The following IMMP2L variants were observed in gnomAD, a reference collection of about 807,000 sequenced individuals.
IMMP2L encodes mitochondrial inner membrane protease subunit 2.
Under a neutral mutation model 19.3 loss-of-function variants are expected in IMMP2L, and 18 were observed. That is an observed-to-expected ratio of 0.93 (90% CI 0.64 to 1.38). IMMP2L has a LOEUF of 1.38. Among genes scored for constraint, IMMP2L ranks in the 40% most tolerant of loss-of-function variants. IMMP2L has a pLI of 0.00. For synonymous variants in IMMP2L, 76 were observed against 73.0 expected, an observed-to-expected ratio of 1.04 and a Z score of -0.21; for missense variants, 233 against 218.2, an observed-to-expected ratio of 1.07 and a Z score of -0.43.
intron 5 of IMMP2L, among the ~76,000 whole-genome samples, chr7:110,806,352 C>A (rs996220601): frequency 7.9e-5 from 12 of 151,830 alleles, no homozygotes; most frequent in Non-Finnish European, 1.8e-4. Context: ...CCATTTAACT[C>A]ATGGAAACAT....
intron 5 of IMMP2L, among the ~76,000 whole-genome samples, chr7:110,810,262 T>C (rs1562990319): frequency 6.6e-6 from 1 of 152,104 alleles, no homozygotes; most frequent in Non-Finnish European, 1.5e-5. Context: ...AGAATTCACA[T>C]ATGGCTGCTG....
chr7:111,215,864 A>C (rs1811872161), intron 3 of IMMP2L, among the ~76,000 whole-genome samples: 1 of 152,152 alleles, frequency 6.6e-6, no homozygotes, highest in South Asian at 2.1e-4. Context: ...TCAACTTGTC[A>C]ACCAGGCTGT....
intron 5 of IMMP2L, among the ~76,000 whole-genome samples, chr7:110,766,439 T>C (rs1035671603): frequency 2.6e-5 from 4 of 151,808 alleles, no homozygotes; most frequent in Non-Finnish European, 5.9e-5. Context: ...AAAAAATGCA[T>C]ATATTAGCCG....
chr7:111,433,028 C>G (rs1836793567), intron 3 of IMMP2L, among the ~76,000 whole-genome samples: 1 of 151,098 alleles, frequency 6.6e-6, no homozygotes, highest in African/African-American at 2.4e-5. Context: ...TTGTATTAGT[C>G]AATTCTCATG....
intron 3 of IMMP2L, among the ~76,000 whole-genome samples, chr7:111,099,676 A>C (rs1797759708): frequency 6.6e-6 from 1 of 151,722 alleles, no homozygotes; most frequent in Admixed American, 6.6e-5. Flanking sequence ...ACATCAACAT[A>C]CATTTTCTAT....
At chr7:110,722,277 A>G (rs902226609) in intron 5 of IMMP2L, among the ~76,000 whole-genome samples, 2 of 152,134 alleles carry the variant, frequency 1.3e-5, no homozygotes, top group Non-Finnish European at 2.9e-5. Context: ...ACTGAGGGTT[A>G]TATTACTAAT....
At chr7:111,507,497 A>G (rs1382182386) in intron 2 of IMMP2L, among the ~76,000 whole-genome samples, 1 of 152,128 alleles carries the variant, frequency 6.6e-6, no homozygotes, top group African/African-American at 2.4e-5. Context: ...TCGTAATTCC[A>G]GTCCGCAGTA....
At chr7:111,316,276 G>A (rs1824067379) in intron 3 of IMMP2L, among the ~76,000 whole-genome samples, 1 of 151,964 alleles carries the variant, frequency 6.6e-6, no homozygotes, top group Admixed American at 6.6e-5. Context: ...AAGAGTGGAG[G>A]ATGTTAGATG....
At chr7:110,688,081 A>G (rs58051866) in intron 5 of IMMP2L, among the ~76,000 whole-genome samples, 7,693 of 152,112 alleles carry the variant, frequency 0.051, 253 homozygotes, top group African/African-American at 0.092. Flanking sequence ...CGGAAAGGTG[A>G]AAGAACACCG....
intron 5 of IMMP2L, among the ~76,000 whole-genome samples, chr7:110,787,271 G>C (rs747157557): frequency 2.2e-4 from 33 of 151,952 alleles, no homozygotes; most frequent in Non-Finnish European, 3.5e-4. Context: ...TTTCCTAATA[G>C]GTAAGATGAG....
At chr7:111,380,529 T>C (rs1831097373) in intron 3 of IMMP2L, among the ~76,000 whole-genome samples, 1 of 152,054 alleles carries the variant, frequency 6.6e-6, no homozygotes, top group Non-Finnish European at 1.5e-5. Flanking sequence ...TGAATTAACA[T>C]GCAGCTATTG....
At chr7:110,935,070 T>G (rs113174526) in intron 4 of IMMP2L, among the ~76,000 whole-genome samples, 6,110 of 152,250 alleles carry the variant, frequency 0.04, 408 homozygotes, top group African/African-American at 0.14. Flanking sequence ...GCCCATTAGT[T>G]GATGCAGTTC....
intron 3 of IMMP2L, among the ~76,000 whole-genome samples, chr7:110,966,328 T>C (rs1819541632): frequency 6.6e-6 from 1 of 152,000 alleles, no homozygotes; most frequent in Non-Finnish European, 1.5e-5. Context: ...TCCACATTAT[T>C]GGGATATCCT....
chr7:111,303,039 C>T (rs1020417090), intron 3 of IMMP2L, among the ~76,000 whole-genome samples: 2 of 152,066 alleles, frequency 1.3e-5, no homozygotes, highest in Admixed American at 6.6e-5. Flanking sequence ...TTTTAGAAAG[C>T]AAAATATGGC....
intron 3 of IMMP2L, among the ~76,000 whole-genome samples, chr7:111,146,334 TTTTTC>T (rs1342358444): frequency 6.6e-6 from 1 of 152,058 alleles, no homozygotes; most frequent in Non-Finnish European, 1.5e-5. Context: ...CTAAATATTA[TTTTTC>T]TTTTAATATT....
In IMMP2L at chr7:110,924,897, T is replaced by A. The variant is rs1211923838; in HGVS notation, c.306-38202A>T. Among the ~76,000 whole-genome samples the A allele has an allele frequency of 6.6e-6, 1 of 152,138 alleles. No individual in the cohort carries two copies. Among genetic ancestry groups the A allele is most frequent in the Non-Finnish European group, 1.5e-5 (1 of 68,018 alleles). ...CCTTATATTTCAAGAAAATGGTATA[T>A]TCAAAAAAGGTTATTTTCTGTTAAG... On this transcript the variant is annotated intron_variant, in intron 4 of 5. Coordinates refer to ENST00000405709, the MANE Select transcript of IMMP2L (RefSeq NM_032549.4). This position sits in a 1 kb window ranked among gnomAD's most constrained non-coding sequence, Gnocchi z 4.2.
chr7:111,558,783 T>G (rs1391165689), intron 1 of IMMP2L, among the ~76,000 whole-genome samples: 6 of 152,180 alleles, frequency 3.9e-5, no homozygotes, highest in Non-Finnish European at 8.8e-5. Flanking sequence ...GGAAAGTAAG[T>G]ACTAGATTTC....
intron 5 of IMMP2L, among the ~76,000 whole-genome samples, chr7:110,792,831 T>C (rs1245358031): frequency 6.6e-6 from 1 of 152,094 alleles, no homozygotes; most frequent in Non-Finnish European, 1.5e-5. Context: ...AAAGATCCTC[T>C]GTGCTCCACC....
chr7:110,855,986 AT>A (rs140884972), intron 5 of IMMP2L, among the ~76,000 whole-genome samples: 2,821 of 152,156 alleles, frequency 0.019, 88 homozygotes, highest in African/African-American at 0.065. Flanking sequence ...AGAAAACTGT[AT>A]GCTTATAGTA....
Sources: gnomAD v4.1 joint callset for allele counts (sites outside exome capture counted in the v4.1 genomes callset) on GRCh38, gnomAD v4.1.1 for gene constraint, Gnocchi (gnomAD v3.1) non-coding constraint, MANE v1.5 for transcripts, NCBI Gene and HGNC (gene_info 2026-07-23, HGNC 2026-07-21) for gene names.